The following PCDHAC1 variants were observed in gnomAD, a reference collection of about 807,000 sequenced individuals.
The protein encoded by PCDHAC1 is protocadherin alpha-C1.
A neutral mutation model predicts 60.0 loss-of-function variants in PCDHAC1; 42 were observed. The observed-to-expected ratio is 0.70, with a 90% confidence interval of 0.55 to 0.90. The LOEUF is 0.90. Among genes scored for constraint, PCDHAC1 ranks in the 40% least tolerant of loss-of-function variants. The probability of loss-of-function intolerance (pLI) is 0.00; values close to 1 mark genes in which losing one functional copy is unlikely to be tolerated. For missense variants in PCDHAC1, 1,160 were observed against 1,222.3 expected (o/e 0.95, Z 0.76); for synonymous variants, 468 against 499.3 (o/e 0.94, Z 0.84).
intron 1 of PCDHAC1, chr5:140,967,972 G>C: frequency 1.2e-6 from 2 of 1,614,190 alleles, no homozygotes; most frequent in Non-Finnish European, 1.7e-6. Flanking sequence ...AAGTGAGCCT[G>C]GGTCTGGAGG....
chr5:141,009,686 A>G lies in PCDHAC1; in HGVS notation c.2641A>G (p.Thr881Ala). Residue 881 changes from threonine to alanine, a missense_variant, in exon 4 of 4, where the codon ACC becomes GCC. Thr to Ala is a moderately conservative substitution (Grantham distance 58). Around this residue, in one of 3 missense-constraint regions of PCDHAC1, gnomAD observed 1,113 missense variants for 1,163.7 expected, o/e 0.96. Coordinates refer to ENST00000253807, the MANE Select transcript of PCDHAC1 (RefSeq NM_018898.5). ...VGAGVNSNSW[T>A]FKYGPGNPKQ... ...TGCGGGTGTCAACAGCAACAGCTGG[A>G]CCTTTAAATACGGACCAGGCAACCC... is the stretch of plus-strand genomic sequence containing the variant. The G allele has an allele frequency of 6.2e-7, 1 of 1,613,998 alleles. No homozygotes were observed. The highest frequency in any genetic ancestry group is 8.5e-7 in the Non-Finnish European group (1 of 1,179,996).
chr5:140,974,350 C>A (rs555781549), intron 1 of PCDHAC1, among the ~76,000 whole-genome samples: 1 of 152,186 alleles, frequency 6.6e-6, no homozygotes, highest in African/African-American at 2.4e-5. Context: ...GCATCCAGAA[C>A]TAAACAGACC....
At position 141,009,931 on chromosome 5, in the gene PCDHAC1, C is replaced by T. The variant is rs2098415407; in HGVS notation, c.2886C>T (p.Asp962=). ...EKGNSTTDNS[D]Q ...GGAACAGCACGACTGACAACAGTGA[C>T]CAGTGAGGTCCTCAAATGGAAACAA... Residue 962 remains aspartate (D), a synonymous_variant, in exon 4 of 4, where the codon GAC becomes GAT. Transcript: ENST00000253807. The T allele has an allele frequency of 6.2e-7, 1 of 1,601,706 alleles. No individual in the cohort carries two copies. The highest frequency in any genetic ancestry group is 8.5e-7 in the Non-Finnish European group (1 of 1,175,864).
intron 3 of PCDHAC1, among the ~76,000 whole-genome samples, chr5:141,005,862 G>A (rs376850991): frequency 6.6e-6 from 1 of 152,012 alleles, no homozygotes; most frequent in Non-Finnish European, 1.5e-5. Flanking sequence ...CAGGAGGGTC[G>A]ATTGAGTCCA....
At chr5:140,954,221 T>C (rs1237648662) in intron 1 of PCDHAC1, among the ~76,000 whole-genome samples, 2 of 152,252 alleles carry the variant, frequency 1.3e-5, no homozygotes, top group African/African-American at 4.8e-5. Flanking sequence ...TTTTTGCTAT[T>C]GTGAATAGTG....
chr5:140,994,072 G>T (rs1587604928), intron 3 of PCDHAC1, among the ~76,000 whole-genome samples: 1 of 152,242 alleles, frequency 6.6e-6, no homozygotes, highest in East Asian at 1.9e-4. Flanking sequence ...TAATGGTGAA[G>T]GGAGAAATGT....
Position 140,927,094 on chromosome 5 carries a change from G to C in PCDHAC1, c.202G>C (p.Val68Leu), listed in dbSNP as rs555838945. 4 of 1,612,890 alleles carry C rather than the reference G, an allele frequency of 2.5e-6. No homozygotes were observed. The change falls in exon 1 of 4, where the codon GTG becomes CTG. Residue 68 changes from valine (V) to leucine (L), a missense_variant. This residue lies in a region of PCDHAC1 where 1,113 missense variants were observed against 1,163.7 expected (regional missense o/e 0.96). Coordinates refer to ENST00000253807, the MANE Select transcript of PCDHAC1 (RefSeq NM_018898.5). ...CAGCCACCGCGAGCTCTACTTCGGG[G>C]TGGATCTACCCAGCGGCAATTTGGT... The part of the protein sequence containing the change: ...LSSHRELYFG[V>L]DLPSGNLVVR...
rs2098413689 is a variant in PCDHAC1, at chr5:141,009,672, A to G, written c.2627A>G (p.Asn876Ser). Residue 876 changes from asparagine to serine, a missense_variant, in exon 4 of 4, where the codon AAC becomes AGC. Physicochemically the swap from Asn to Ser is conservative, Grantham distance 46. This residue lies in a region of PCDHAC1 where 1,113 missense variants were observed against 1,163.7 expected (regional missense o/e 0.96). Transcript: ENST00000253807. The stretch of plus-strand genomic sequence containing the variant: ...TCCCCTCCAGTCGGTGCGGGTGTCA[A>G]CAGCAACAGCTGGACCTTTAAATAC... ...EVSPPVGAGV[N>S]SNSWTFKYGP... is the part of the protein sequence containing the mutation. 6.2e-7 allele frequency: 1 copy of G among 1,614,102 alleles called. No homozygotes were observed. The highest frequency in any genetic ancestry group is 1.1e-5 in the South Asian group (1 of 91,070).
intron 1 of PCDHAC1, among the ~76,000 whole-genome samples, chr5:140,964,114 C>T (rs1227257943): frequency 6.6e-6 from 1 of 151,992 alleles, no homozygotes; most frequent in Non-Finnish European, 1.5e-5. Context: ...TGAGCAATCA[C>T]ATTCTAACAA....
chr5:140,971,414 AT>A (rs2096477673), intron 1 of PCDHAC1, among the ~76,000 whole-genome samples: 1 of 152,166 alleles, frequency 6.6e-6, no homozygotes, highest in African/African-American at 2.4e-5. Flanking sequence ...ACTTTTGGAA[AT>A]CCAGTGAAGA....
chr5:140,955,698 T>C (rs1295764352), intron 1 of PCDHAC1, among the ~76,000 whole-genome samples: 2 of 152,218 alleles, frequency 1.3e-5, no homozygotes, highest in South Asian at 2.1e-4. Context: ...TGAATGTCAA[T>C]GGAAGTTTAA....
chr5:140,966,732 G>T (rs2153748727), intron 1 of PCDHAC1: 1 of 1,415,600 alleles, frequency 7.1e-7, no homozygotes, highest in African/African-American at 1.5e-5. Context: ...GCCGCCTCCG[G>T]CCCTGCCCGG....
rs555838945 is a variant in PCDHAC1, at chr5:140,927,094, G to A, written c.202G>A (p.Val68Met). The change falls in exon 1 of 4, where the codon GTG becomes ATG. Residue 68 changes from valine (V) to methionine (M), a missense_variant. By Grantham distance (21) the Val-to-Met change is conservative. Coordinates refer to ENST00000253807, the MANE Select transcript of PCDHAC1 (RefSeq NM_018898.5). ...CAGCCACCGCGAGCTCTACTTCGGG[G>A]TGGATCTACCCAGCGGCAATTTGGT... ...LSSHRELYFGVDLPSGNLVVR... is the reference protein window; with the variant it reads ...LSSHRELYFGMDLPSGNLVVR... 5 of 1,612,890 alleles carry A rather than the reference G, an allele frequency of 3.1e-6. No homozygotes were observed. In the Admixed American group the frequency reaches 8.3e-5, roughly 27 times the overall value.
intron 3 of PCDHAC1, among the ~76,000 whole-genome samples, chr5:141,002,568 C>T (rs1554258737): frequency 6.6e-6 from 1 of 152,182 alleles, no homozygotes; most frequent in Admixed American, 6.5e-5. Context: ...AGTTAGTGAC[C>T]ATGTGACCAT....
intron 3 of PCDHAC1, 162 bp downstream of exon 3, chr5:140,982,725 A>G (rs2096999365): frequency 1.1e-6 from 1 of 902,882 alleles, no homozygotes; most frequent in African/African-American, 1.8e-5. Flanking sequence ...GATTATTTTG[A>G]TTTTATACCT....
intron 3 of PCDHAC1, among the ~76,000 whole-genome samples, chr5:140,989,918 G>A (rs1554251173): frequency 6.6e-6 from 1 of 151,960 alleles, no homozygotes; most frequent in East Asian, 1.9e-4. Flanking sequence ...AAGAGGGAGA[G>A]CAGAGATAGA....
chr5:140,928,177 A>G lies in PCDHAC1; in HGVS notation c.1285A>G (p.Arg429Gly), dbSNP rs781987562. Reference sequence around the variant, plus strand: ...TGGCTCACCCCCACTTAGCACCCGAAGGACAATCACTGTGTCAGTTGCTGA... The same window carrying G: ...TGGCTCACCCCCACTTAGCACCCGAGGGACAATCACTGTGTCAGTTGCTGA... Reference protein sequence around the residue: ...DSGSPPLSTRRTITVSVADVN... With the variant: ...DSGSPPLSTRGTITVSVADVN... The change falls in exon 1 of 4, where the codon AGG becomes GGG. Residue 429 changes from arginine to glycine, a missense_variant. Transcript: ENST00000253807. 8.7e-6 allele frequency: 14 copies of G among 1,614,218 alleles called. No homozygotes were observed. The East Asian group carries it at 2.7e-4, about 31-fold the overall frequency.
chr5:140,961,071 G>T (rs1344860284), intron 1 of PCDHAC1, among the ~76,000 whole-genome samples: 1 of 152,208 alleles, frequency 6.6e-6, no homozygotes, highest in Non-Finnish European at 1.5e-5. Flanking sequence ...GATATCTGGA[G>T]TATCAAGTAA....
intron 1 of PCDHAC1, among the ~76,000 whole-genome samples, chr5:140,941,768 T>C (rs576405772): frequency 2.6e-5 from 4 of 152,254 alleles, no homozygotes; most frequent in Non-Finnish European, 5.9e-5. Context: ...TTTAAGATAA[T>C]TGTTTTAATG....
Sources: gnomAD v4.1 joint callset for allele counts (sites outside exome capture counted in the v4.1 genomes callset) on GRCh38, gnomAD v4.1.1 for gene constraint, gnomAD v4.1.1 regional missense constraint, MANE v1.5 for transcripts, NCBI Gene and HGNC (gene_info 2026-07-23, HGNC 2026-07-21) for gene names.